The following EXPH5 variants were observed in gnomAD, a reference collection of about 807,000 sequenced individuals.
EXPH5 encodes the protein exophilin-5.
A neutral mutation model predicts 41.1 loss-of-function variants in EXPH5; 42 were observed. The observed-to-expected ratio is 1.02, with a 90% CI of 0.80 to 1.32. The LOEUF is 1.32. EXPH5 is among the 40% of genes most tolerant of loss of function. EXPH5 has a pLI of 0.00. For missense variants in EXPH5, 2,298 were observed against 2,314.5 expected (o/e 0.99, Z 0.15); for synonymous variants, 798 against 833.5 (o/e 0.96, Z 0.73).
intron 1 of EXPH5, among the ~76,000 whole-genome samples, chr11:108,577,679 T>C (rs1253847206): frequency 6.6e-6 from 1 of 152,218 alleles, no homozygotes; most frequent in Non-Finnish European, 1.5e-5. Context: ...CGCCTCGGCC[T>C]CCCAAAGTGC....
In EXPH5 at chr11:108,507,125, A is replaced by G. The variant is rs2093648541; in HGVS notation, c.*2412T>C. The G allele has an allele frequency of 6.6e-6, 1 of 152,194 alleles. No homozygotes were observed. Among genetic ancestry groups the G allele is most frequent in the African/African-American group, 2.4e-5 (1 of 41,458 alleles). The allele number at this position is 152,194 out of a possible 1,614,324, so 9.4% of individuals were successfully genotyped here. On this transcript the variant is annotated 3_prime_UTR_variant, in exon 6 of 6. Coordinates refer to ENST00000265843, the MANE Select transcript of EXPH5 (RefSeq NM_015065.3). ...ACAAATTTGCATTGAAAAGTTCACA[A>G]TATTTGATTTTTGAGCTTTCTGAGC...
intron 3 of EXPH5, among the ~76,000 whole-genome samples, chr11:108,533,301 T>TGATTGAGG (rs2093855866): frequency 6.6e-6 from 1 of 152,090 alleles, no homozygotes; most frequent in African/African-American, 2.4e-5. Flanking sequence ...CCTCCCGGGT[T>TGATTGAGG]CGAGTGATTC....
chr11:108,593,684 A>G lies in EXPH5; in HGVS notation c.-148T>C. 4 of 1,553,912 alleles carry G rather than the reference A, an allele frequency of 2.6e-6. No homozygotes were observed. Among genetic ancestry groups the G allele is most frequent in the Non-Finnish European group, 3.5e-6 (4 of 1,151,202 alleles). On this transcript the variant is annotated 5_prime_UTR_variant, in exon 1 of 6. An upstream open reading frame in the 5' UTR loses its in-frame stop. Transcript: ENST00000265843. ...TTTGAAAGTCTAAAACCACAAACCT[A>G]GGGAACGCCCACACCTGAAGGGCTC...
chr11:108,550,781 A>AAAAT (rs997724496), intron 1 of EXPH5, among the ~76,000 whole-genome samples: 24 of 152,222 alleles, frequency 1.6e-4, no homozygotes, highest in South Asian at 8.3e-4. Flanking sequence ...TTCGTCTCAA[A>AAAAT]AAATAAATAA....
chr11:108,519,672 C>T lies in EXPH5; in HGVS notation c.493-1299G>A, dbSNP rs1190697575. On this transcript the variant is annotated intron_variant, in intron 4 of 5. Transcript: ENST00000265843. ...CTGGGCCAGGAGAATAGCTTGAACT[C>T]GGAAGGCGGAAGTTGTAGTGAGCTA... Among the ~76,000 whole-genome samples the T allele has an allele frequency of 4.0e-5, 6 of 151,600 alleles. No individual in the cohort carries two copies. The East Asian group carries it at 5.8e-4, about 15-fold the overall frequency.
intron 1 of EXPH5, among the ~76,000 whole-genome samples, chr11:108,570,162 C>A (rs1477659219): frequency 6.6e-6 from 1 of 152,186 alleles, no homozygotes; most frequent in Non-Finnish European, 1.5e-5. Context: ...AGACTGCCAC[C>A]TGTGAGTGTC....
At chr11:108,556,509 G>C (rs376168552) in intron 1 of EXPH5, among the ~76,000 whole-genome samples, 3 of 152,238 alleles carry the variant, frequency 2.0e-5, no homozygotes, top group African/African-American at 7.2e-5. Flanking sequence ...GTCTTGCTCT[G>C]TCACCTAGAC....
chr11:108,531,475 C>T (rs1565799052), intron 3 of EXPH5, among the ~76,000 whole-genome samples: 1 of 152,148 alleles, frequency 6.6e-6, no homozygotes, highest in Non-Finnish European at 1.5e-5. Context: ...TGACATAAGG[C>T]TTTTCTTTAA....
At chr11:108,570,097 C>A (rs77224339) in intron 1 of EXPH5, among the ~76,000 whole-genome samples, 6,722 of 152,246 alleles carry the variant, frequency 0.044, 481 homozygotes, top group African/African-American at 0.15. Flanking sequence ...TAGGGCCTGG[C>A]CTGCCTCCTG....
Position 108,508,488 on chromosome 11 carries a change from CAG to C in EXPH5, c.*1047_*1048del, listed in dbSNP as rs1202245993. 6.6e-6 allele frequency: 1 copy of C among 152,414 alleles called. No homozygotes were observed. Among genetic ancestry groups the C allele is most frequent in the East Asian group, 1.9e-4 (1 of 5,218 alleles). 9.4% of individuals were successfully genotyped at this position (152,414 alleles called of 1,614,324 possible). A position where few individuals can be genotyped will look rare whatever the true frequency, so the allele number is the denominator to read the frequency against. On this transcript the variant is annotated 3_prime_UTR_variant, in exon 6 of 6. Transcript: ENST00000265843. ...TGCCACTGCACTCCAGCCTGGGTGA[CAG>C]AGCAAAACTCCGTCTCCAAAAAACA...
At chr11:108,584,121 G>A (rs867721054) in intron 1 of EXPH5, among the ~76,000 whole-genome samples, 1 of 152,034 alleles carries the variant, frequency 6.6e-6, no homozygotes, top group Non-Finnish European at 1.5e-5. Context: ...GAATAAAATC[G>A]GATGGCTTAT....
Position 108,513,101 on chromosome 11 carries a change from T to C in EXPH5, c.2406A>G (p.Arg802=), listed in dbSNP as rs2093695001. Residue 802 remains arginine (R), a synonymous_variant, in exon 6 of 6, where the codon AGA becomes AGG. Transcript: ENST00000265843. ...IKQDKRFTEN[R]KLGSTASLPF... ...GAAGGGAAGCTGTTGAGCCAAGTTT[T>C]CTGTTTTCAGTAAACCTCTTATCTT... is the stretch of plus-strand genomic sequence containing the variant. The C allele has an allele frequency of 2.5e-6, 4 of 1,610,994 alleles. No individual in the cohort carries two copies. The highest frequency in any genetic ancestry group is 1.7e-6 in the Non-Finnish European group (2 of 1,179,176).
chr11:108,583,479 G>A (rs563536814), intron 1 of EXPH5, among the ~76,000 whole-genome samples: 1 of 151,640 alleles, frequency 6.6e-6, no homozygotes, highest in Non-Finnish European at 1.5e-5. Flanking sequence ...TAAAATTCAA[G>A]ATATGTTCAA....
intron 1 of EXPH5, among the ~76,000 whole-genome samples, chr11:108,589,431 G>A (rs1351145153): frequency 3.3e-5 from 5 of 152,284 alleles, no homozygotes; most frequent in South Asian, 4.1e-4. Context: ...GACATATACA[G>A]TCCTGTTCAG....
chr11:108,581,320 T>A (rs80303440), intron 1 of EXPH5, among the ~76,000 whole-genome samples: 41,598 of 149,880 alleles, frequency 0.28, 6,073 homozygotes, highest in South Asian at 0.38. Flanking sequence ...AAGAAAAAAA[T>A]ATATATATAT....
intron 1 of EXPH5, among the ~76,000 whole-genome samples, chr11:108,587,999 C>A (rs1048655810): frequency 1.3e-5 from 2 of 152,160 alleles, no homozygotes; most frequent in African/African-American, 4.8e-5. Flanking sequence ...GCAATCCACC[C>A]ATCTCAGCCT....
the EXPH5 span, among the ~76,000 whole-genome samples, chr11:108,601,731 CTTTCT>C: frequency 1.1e-4 from 16 of 147,250 alleles, no homozygotes; most frequent in East Asian, 3.1e-3. Flanking sequence ...TTTTTTCTTT[CTTTCT>C]TTTCTTTTCT....
At chr11:108,603,080 G>GA in the EXPH5 span, among the ~76,000 whole-genome samples, 3 of 152,270 alleles carry the variant, frequency 2.0e-5, no homozygotes, top group East Asian at 5.8e-4. Flanking sequence ...GCCACCATGT[G>GA]AAAAAGACCT....
chr11:108,605,185 T>C, the EXPH5 span, among the ~76,000 whole-genome samples: 1 of 152,100 alleles, frequency 6.6e-6, no homozygotes, highest in Admixed American at 6.6e-5. Context: ...TGCCTCAAGG[T>C]GGAGACCCTT....
Sources: allele counts gnomAD v4.1 joint callset (sites outside exome capture counted in the v4.1 genomes callset), GRCh38; gene constraint gnomAD v4.1.1; transcripts MANE v1.5; gene names NCBI Gene and HGNC (gene_info 2026-07-23, HGNC 2026-07-21).